The following TK2 variants were observed in gnomAD, a reference collection of about 807,000 sequenced individuals.
TK2 encodes the protein thymidine kinase 2, also known as thymidine kinase 2, mitochondrial.
In TK2, 35 loss-of-function variants were observed where a neutral mutation model predicts 41.9. The ratio of observed to expected loss-of-function variants is 0.84; its 90% CI spans 0.64 to 1.11. TK2 has a LOEUF of 1.11. Among genes scored for constraint, TK2 ranks in the 50% least tolerant of loss-of-function variants. TK2 has a pLI of 0.00. For synonymous variants in TK2, 128 were observed against 129.1 expected, an observed-to-expected ratio of 0.99 and a Z score of 0.06; for missense variants, 320 against 351.1, an observed-to-expected ratio of 0.91 and a Z score of 0.71.
In TK2 at chr16:66,549,939, G is replaced by T. The variant is rs772476450; in HGVS notation, c.123C>A (p.Pro41=). ...PRRVQRRAWP[P]DKEQEKEKKS... The stretch of plus-strand genomic sequence containing the variant: ...AGGCGGGACCAAGACGCGCGTTACC[G>T]GGAGGCCAGGCCCGGCGCTGCACCC... The change falls in exon 1 of 10, where the codon CCC becomes CCA. Residue 41 remains proline, a splice_region_variant and synonymous_variant. Coordinates refer to ENST00000544898, the MANE Select transcript of TK2 (RefSeq NM_004614.5). 2 of 1,353,206 alleles carry T rather than the reference G, an allele frequency of 1.5e-6. No individual in the cohort carries two copies. The highest frequency in any genetic ancestry group is 2.0e-5 in the South Asian group (1 of 50,676). 83.8% of individuals were successfully genotyped at this position (1,353,206 alleles called of 1,614,324 possible).
At position 66,529,177 on chromosome 16, in the gene TK2, A is replaced by C. The variant is rs1433022131; in HGVS notation, c.376-110T>G. The C allele has an allele frequency of 2.9e-6, 3 of 1,033,042 alleles. No individual in the cohort carries two copies. In the East Asian group the frequency reaches 7.1e-5, roughly 24 times the overall value. 64.0% of individuals were successfully genotyped at this position (1,033,042 alleles called of 1,614,324 possible). A position where few individuals can be genotyped will look rare whatever the true frequency, so the allele number is the denominator to read the frequency against. The stretch of plus-strand genomic sequence containing the variant: ...GCCTGGGGACTTTGCTGAATATGAG[A>C]ATCAAGGCGGCAGAGAGAGTGAAGC... On this transcript the variant is annotated intron_variant, in intron 5 of 9. Transcript: ENST00000544898.
intron 8 of TK2, among the ~76,000 whole-genome samples, chr16:66,515,641 T>C (rs569541379): frequency 2.6e-5 from 4 of 152,222 alleles, no homozygotes; most frequent in Non-Finnish European, 4.4e-5. Context: ...GTCAAACCCT[T>C]AAGACAATGG....
chr16:66,528,899 G>T (rs931403886), intron 6 of TK2, 95 bp downstream of exon 6: 13 of 1,160,424 alleles, frequency 1.1e-5, no homozygotes, highest in Admixed American at 1.7e-5. Context: ...ATACAACAGC[G>T]GGTACTCCAT....
chr16:66,549,912 G>A, intron 1 of TK2, 26 bp downstream of exon 1: 3 of 1,346,524 alleles, frequency 2.2e-6, no homozygotes, highest in Non-Finnish European at 2.8e-6. Context: ...GGGGCTCCTG[G>A]GAGGCGGGAC....
At chr16:66,527,329 G>T (rs894954834) in intron 6 of TK2, among the ~76,000 whole-genome samples, 2 of 152,190 alleles carry the variant, frequency 1.3e-5, no homozygotes, top group East Asian at 3.9e-4. Flanking sequence ...CTCTCATTTT[G>T]GGGGGTGACA....
chr16:66,524,413 G>A (rs1964869330), intron 6 of TK2, among the ~76,000 whole-genome samples: 1 of 152,154 alleles, frequency 6.6e-6, no homozygotes, highest in Admixed American at 6.6e-5. Context: ...ATAGCTCACT[G>A]CAGCCCTGAC....
At chr16:66,522,113 TA>T (rs1964798112) in intron 6 of TK2, among the ~76,000 whole-genome samples, 1 of 152,160 alleles carries the variant, frequency 6.6e-6, no homozygotes, top group Non-Finnish European at 1.5e-5. Flanking sequence ...TGGCTCTCCC[TA>T]CCCCCAAACC....
intron 5 of TK2, 87 bp downstream of exon 5, chr16:66,531,293 C>G: frequency 7.4e-7 from 1 of 1,347,096 alleles, no homozygotes; most frequent in Non-Finnish European, 1.0e-6. Context: ...GCCTGGCTTC[C>G]TTGTAAAGTT....
intron 3 of TK2, among the ~76,000 whole-genome samples, 182 bp from the exon 4 acceptor site, chr16:66,537,199 C>T (rs1219850999): frequency 1.3e-5 from 2 of 152,202 alleles, no homozygotes; most frequent in African/African-American, 4.8e-5. Flanking sequence ...TCTATCTAGA[C>T]ACGGCTTCCT....
At chr16:66,544,838 A>G (rs565190856) in intron 2 of TK2, among the ~76,000 whole-genome samples, 1 of 152,380 alleles carries the variant, frequency 6.6e-6, no homozygotes, top group African/African-American at 2.4e-5. Flanking sequence ...CTGTAATCCC[A>G]GCATTTTGGG....
intron 9 of TK2, 129 bp from the exon 10 acceptor site, chr16:66,512,195 A>C: frequency 1.2e-6 from 1 of 836,986 alleles, no homozygotes; most frequent in Non-Finnish European, 2.0e-6. Flanking sequence ...GCAGGCAGAT[A>C]AAAAGGAAGG....
intron 2 of TK2, chr16:66,547,857 A>T (rs1965656031): frequency 8.2e-7 from 1 of 1,219,286 alleles, no homozygotes; most frequent in Non-Finnish European, 1.1e-6. Flanking sequence ...TCTATGAACT[A>T]GCTATTGTGT....
At chr16:66,532,479 C>T (rs1017472403) in intron 4 of TK2, among the ~76,000 whole-genome samples, 2 of 152,022 alleles carry the variant, frequency 1.3e-5, no homozygotes, top group African/African-American at 4.8e-5. Context: ...GTGGCACGCA[C>T]CTGTGGTCCT....
chr16:66,536,937 G>A (rs774607282), intron 4 of TK2, 27 bp downstream of exon 4: 4 of 1,613,960 alleles, frequency 2.5e-6, no homozygotes, highest in Admixed American at 1.7e-5. Context: ...GGAAGCCGGG[G>A]GTTCATGCAA....
chr16:66,525,744 C>G (rs1451265201), intron 6 of TK2, among the ~76,000 whole-genome samples: 1 of 152,058 alleles, frequency 6.6e-6, no homozygotes, highest in East Asian at 1.9e-4. Context: ...GGAATCTGAG[C>G]CCCCCGAAAG....
Position 66,508,479 on chromosome 16 carries a change from A to G in TK2, c.*3489T>C, listed in dbSNP as rs1964355830. ...TGACATTTGCAAGAGCTTGCCAATTATTTTAATAACTAACTCTTCAGGGTG... is the reference window on the plus strand; with the variant it reads ...TGACATTTGCAAGAGCTTGCCAATTGTTTTAATAACTAACTCTTCAGGGTG... On this transcript the variant is annotated 3_prime_UTR_variant, in exon 10 of 10. Coordinates refer to ENST00000544898, the MANE Select transcript of TK2 (RefSeq NM_004614.5). The G allele has an allele frequency of 6.6e-6, 1 of 152,280 alleles. No homozygotes were observed. Among genetic ancestry groups the G allele is most frequent in the Non-Finnish European group, 1.5e-5 (1 of 68,072 alleles). 9.4% of individuals were successfully genotyped at this position (152,280 alleles called of 1,614,324 possible). A position where few individuals can be genotyped will look rare whatever the true frequency, so the allele number is the denominator to read the frequency against.
At position 66,514,318 on chromosome 16, in the gene TK2, G is replaced by A. The variant is rs909714708; in HGVS notation, c.619-507C>T. Among the ~76,000 whole-genome samples, 9 of 152,242 alleles carry A rather than the reference G, an allele frequency of 5.9e-5. No individual in the cohort carries two copies. Among genetic ancestry groups the A allele is most frequent in the East Asian group, 3.8e-4 (2 of 5,196 alleles). Reference sequence around the variant, plus strand: ...TATTTTTTGGTGGAGACGGGGTTTCGCTGTGTTGGCCGGGCTGGTCTCCAG... The same window carrying A: ...TATTTTTTGGTGGAGACGGGGTTTCACTGTGTTGGCCGGGCTGGTCTCCAG... On this transcript the variant is annotated intron_variant, in intron 8 of 9. Transcript: ENST00000544898. The surrounding 1 kb of genome is among the most constrained non-coding windows in gnomAD (Gnocchi z 4.2).
intron 5 of TK2, among the ~76,000 whole-genome samples, chr16:66,529,569 T>C (rs911885944): frequency 4.6e-5 from 7 of 152,214 alleles, no homozygotes; most frequent in African/African-American, 1.7e-4. Context: ...GTAAGAACGA[T>C]GCCCAAGAGG....
intron 6 of TK2, among the ~76,000 whole-genome samples, chr16:66,527,496 A>G (rs1964970402): frequency 6.6e-6 from 1 of 152,164 alleles, no homozygotes; most frequent in South Asian, 2.1e-4. Context: ...TCATCCAACA[A>G]TAGCTAACAG....
Sources: gnomAD v4.1 joint callset for allele counts (sites outside exome capture counted in the v4.1 genomes callset) on GRCh38, gnomAD v4.1.1 for gene constraint, Gnocchi (gnomAD v3.1) non-coding constraint, MANE v1.5 for transcripts, NCBI Gene and HGNC (gene_info 2026-07-23, HGNC 2026-07-21) for gene names.